Variants in KDM4B observed in about 807,000 individuals in gnomAD.
KDM4B encodes the protein lysine demethylase 4B, also known as lysine-specific demethylase 4B.
A neutral mutation model predicts 125.2 loss-of-function variants in KDM4B; 32 were observed. That is an observed-to-expected ratio of 0.26 (90% CI 0.19 to 0.34). KDM4B has a LOEUF of 0.34. KDM4B is among the 10% of genes least tolerant of loss of function. KDM4B has a pLI of 1.00. For missense variants in KDM4B, 1,190 were observed against 1,577.7 expected (o/e 0.75, Z 4.16); for synonymous variants, 721 against 677.9 (o/e 1.06, Z -0.99).
intron 11 of KDM4B, among the ~76,000 whole-genome samples, chr19:5,124,375 C>G (rs1392674460): frequency 6.6e-6 from 1 of 152,174 alleles, no homozygotes; most frequent in Non-Finnish European, 1.5e-5. Context: ...GTGGCCCAGT[C>G]CTGGGAAGGC....
intron 1 of KDM4B, among the ~76,000 whole-genome samples, chr19:4,978,606 C>T (rs1171574737): frequency 6.6e-6 from 1 of 151,386 alleles, no homozygotes; most frequent in East Asian, 1.9e-4. Context: ...ATTTTTTTGG[C>T]CCCTCTAGCC....
At chr19:4,978,278 G>A (rs2034518098) in intron 1 of KDM4B, among the ~76,000 whole-genome samples, 1 of 151,990 alleles carries the variant, frequency 6.6e-6, no homozygotes, top group Non-Finnish European at 1.5e-5. Flanking sequence ...AGGCTGAGGA[G>A]GGTGGATCAC....
At chr19:4,969,416 C>T (rs2034164769) in intron 1 of KDM4B, among the ~76,000 whole-genome samples, 186 bp downstream of exon 1, 1 of 147,254 alleles carries the variant, frequency 6.8e-6, no homozygotes, top group Non-Finnish European at 1.5e-5. Context: ...GTTAACCGCC[C>T]GGCCCGGGGG....
chr19:5,067,495 G>A (rs1228247164), intron 6 of KDM4B, among the ~76,000 whole-genome samples: 1 of 152,198 alleles, frequency 6.6e-6, no homozygotes, highest in Non-Finnish European at 1.5e-5. Flanking sequence ...GGAGGGACAC[G>A]TACAATGACC....
Position 5,041,142 on chromosome 19 carries a change from G to T in KDM4B, c.323G>T (p.Cys108Phe). Residue 108 changes from cysteine to phenylalanine, a missense_variant, in exon 5 of 23, where the codon TGT becomes TTT. By Grantham distance (205) the Cys-to-Phe change is radical (BLOSUM62 -2). Coordinates refer to ENST00000159111, the MANE Select transcript of KDM4B (RefSeq NM_015015.3). ...TTGGGGTGTTTGTTCACCAGGTACT[G>T]TACCCCGCGGCACCAGGACTTTGAT... The part of the protein sequence containing the change: ...YRRLANSEKY[C>F]TPRHQDFDDL... 6.2e-7 allele frequency: 1 copy of T among 1,609,266 alleles called. No individual in the cohort carries two copies. Among genetic ancestry groups the T allele is most frequent in the Non-Finnish European group, 8.5e-7 (1 of 1,176,266 alleles).
In KDM4B at chr19:5,020,157, T is replaced by C. The variant is rs562943111; in HGVS notation, c.-26+3818T>C. Among the ~76,000 whole-genome samples, 121 of 135,424 alleles carry C rather than the reference T, an allele frequency of 8.9e-4. 2 individuals are homozygous for C. The highest frequency in any genetic ancestry group is 2.9e-3 in the African/African-American group (104 of 36,430). 88.8% of individuals were successfully genotyped at this position (135,424 alleles called of 152,430 possible). On this transcript the variant is annotated intron_variant, in intron 2 of 22. Coordinates refer to ENST00000159111, the MANE Select transcript of KDM4B (RefSeq NM_015015.3). Reference sequence around the variant, plus strand: ...GGTGTGGATGTTGGTGTGCAGGTGTTGGTGTGGATGTTGGTGTGGGTGTTG... The same window carrying C: ...GGTGTGGATGTTGGTGTGCAGGTGTCGGTGTGGATGTTGGTGTGGGTGTTG...
In KDM4B at chr19:4,971,775, G is replaced by A. The variant is rs1197981903; in HGVS notation, c.-109+2545G>A. Among the ~76,000 whole-genome samples, 1 of 152,178 alleles carries A rather than the reference G, an allele frequency of 6.6e-6. No homozygotes were observed. Among genetic ancestry groups the A allele is most frequent in the Non-Finnish European group, 1.5e-5 (1 of 68,042 alleles). On this transcript the variant is annotated intron_variant, in intron 1 of 22. Coordinates refer to ENST00000159111, the MANE Select transcript of KDM4B (RefSeq NM_015015.3). The surrounding 1 kb of genome is among the most constrained non-coding windows in gnomAD (Gnocchi z 4.1). ...GGAGGCGAGGCTGTTGAGGGCCTGA[G>A]GTGCATTTGTAGGTGGCTTTGTTCC...
At position 4,997,814 on chromosome 19, in the gene KDM4B, C is replaced by T. The variant is rs1162566597; in HGVS notation, c.-108-18443C>T. 1.3e-5 allele frequency among the ~76,000 whole-genome samples: 2 copies of T among 152,348 alleles called. No individual in the cohort carries two copies. The highest frequency in any genetic ancestry group is 1.9e-4 in the East Asian group (1 of 5,180). ...CCAAAGGCCGCAGGCCCCAGAAAGA[C>T]GGTGACACTCCAGGAGGTTGCTAGA... On this transcript the variant is annotated intron_variant, in intron 1 of 22. Coordinates refer to ENST00000159111, the MANE Select transcript of KDM4B (RefSeq NM_015015.3). This position sits in a 1 kb window ranked among gnomAD's most constrained non-coding sequence, Gnocchi z 4.2.
chr19:4,998,219 A>T (rs2035262418), intron 1 of KDM4B, among the ~76,000 whole-genome samples: 1 of 152,178 alleles, frequency 6.6e-6, no homozygotes, highest in African/African-American at 2.4e-5. Flanking sequence ...CCTGGCAAAG[A>T]TGTAGGTGGG....
At chr19:5,070,908 C>A in intron 6 of KDM4B, 102 bp from the exon 7 acceptor site, 1 of 1,235,600 alleles carries the variant, frequency 8.1e-7, no homozygotes, top group Middle Eastern at 1.9e-4. Flanking sequence ...TTGCTTCTGC[C>A]CTGGGCACTG....
intron 18 of KDM4B, among the ~76,000 whole-genome samples, chr19:5,143,137 A>T (rs72991768): frequency 0.011 from 1,690 of 152,136 alleles, 22 homozygotes; most frequent in Non-Finnish European, 0.018. Flanking sequence ...AGCAGCCTGG[A>T]CAATATAGCA....
chr19:5,084,245 C>CA lies in KDM4B; in HGVS notation c.918+1750dup, dbSNP rs560294014. Among the ~76,000 whole-genome samples, 654 of 139,848 alleles carry CA rather than the reference C, an allele frequency of 4.7e-3. 2 individuals carry two copies. The highest frequency in any genetic ancestry group is 8.7e-3 in the Non-Finnish European group (565 of 65,176). 91.7% of individuals were successfully genotyped at this position (139,848 alleles called of 152,430 possible). A position where few individuals can be genotyped will look rare whatever the true frequency, so the allele number is the denominator to read the frequency against. The stretch of plus-strand genomic sequence containing the variant: ...CTGGGCAACAAGAGCGAAACTGTCT[C>CA]AAAAAAAAATACGTATTTATATATT... On this transcript the variant is annotated intron_variant, in intron 9 of 22. Coordinates refer to ENST00000159111, the MANE Select transcript of KDM4B (RefSeq NM_015015.3).
At chr19:5,134,898 A>T (rs942452528) in intron 14 of KDM4B, among the ~76,000 whole-genome samples, 1 of 152,190 alleles carries the variant, frequency 6.6e-6, no homozygotes, top group Non-Finnish European at 1.5e-5. Context: ...GTCTCCAGGC[A>T]CTTGCTGTCC....
chr19:5,150,389 T>A lies in KDM4B; in HGVS notation c.3053T>A (p.Val1018Glu). 2 of 1,551,228 alleles carry A rather than the reference T, an allele frequency of 1.3e-6. No individual in the cohort carries two copies. The highest frequency in any genetic ancestry group is 1.7e-6 in the Non-Finnish European group (2 of 1,146,898). ...VEFEDGSQLT[V>E]KRGDIFTLEE... ...TTTGAGGACGGGTCCCAGCTGACGG[T>A]GAAGCGTGGGGACATCTTCACCCTG... The change falls in exon 22 of 23, where the codon GTG becomes GAG. Residue 1018 changes from valine (V) to glutamate (E), a missense_variant. Val to Glu is a moderately radical substitution (Grantham distance 121). This residue lies in a region of KDM4B where 298 missense variants were observed against 439.7 expected (regional missense o/e 0.68). Transcript: ENST00000159111.
intron 9 of KDM4B, among the ~76,000 whole-genome samples, chr19:5,094,986 C>T (rs910665234): frequency 3.3e-5 from 5 of 151,554 alleles, no homozygotes; most frequent in South Asian, 2.1e-4. Flanking sequence ...TCGGGGGCGG[C>T]GCCGGGGGCG....
At chr19:5,090,412 C>CCA (rs2038660310) in intron 9 of KDM4B, among the ~76,000 whole-genome samples, 2 of 72,540 alleles carry the variant, frequency 2.8e-5, no homozygotes, top group South Asian at 8.7e-4. Flanking sequence ...CTCTCTCCCC[C>CCA]TCTCCCCCTC....
rs1177280346 is a variant in KDM4B at position 5,114,586 on chromosome 19, C to T, written c.1115+3768C>T. The stretch of plus-strand genomic sequence containing the variant: ...TCACTTGCTGTCTCCTGTCTCTTTC[C>T]TAGAGCTGCCCTTCATTTTCTCAAA... On this transcript the variant is annotated intron_variant, in intron 10 of 22. Coordinates refer to ENST00000159111, the MANE Select transcript of KDM4B (RefSeq NM_015015.3). This position sits in a 1 kb window ranked among gnomAD's most constrained non-coding sequence, Gnocchi z 5.8. 6.1e-6 allele frequency: 2 copies of T among 328,000 alleles called. No individual in the cohort carries two copies. Among genetic ancestry groups the T allele is most frequent in the African/African-American group, 2.2e-5 (1 of 45,894 alleles). The allele number at this position is 328,000 out of a possible 1,614,324, so 20.3% of individuals were successfully genotyped here. A position where few individuals can be genotyped will look rare whatever the true frequency, so the allele number is the denominator to read the frequency against.
chr19:4,978,948 C>T (rs1215573053), intron 1 of KDM4B, among the ~76,000 whole-genome samples: 1 of 152,172 alleles, frequency 6.6e-6, no homozygotes. Flanking sequence ...TGTCTCCTGC[C>T]CGCAGGGCCT....
intron 2 of KDM4B, among the ~76,000 whole-genome samples, chr19:5,031,701 G>GA (rs1326819295): frequency 1.3e-5 from 2 of 152,214 alleles, no homozygotes. Context: ...CTTTTGTCAG[G>GA]ATGGAGGGTT....
Sources: allele counts gnomAD v4.1 joint callset (sites outside exome capture counted in the v4.1 genomes callset), GRCh38; gene constraint gnomAD v4.1.1; regional missense constraint gnomAD v4.1.1; non-coding constraint Gnocchi (gnomAD v3.1); transcripts MANE v1.5; gene names NCBI Gene and HGNC (gene_info 2026-07-23, HGNC 2026-07-21).